LYPD1: variants seen among roughly 807,000 people sequenced by gnomAD.
LYPD1 encodes ly6/PLAUR domain-containing protein 1.
A neutral mutation model predicts 14.2 loss-of-function variants in LYPD1; 14 were observed. The observed-to-expected ratio is 0.99, with a 90% CI of 0.65 to 1.54. The LOEUF (loss-of-function observed/expected upper bound fraction) is 1.54, where lower values mean the gene tolerates loss of function less well. Ranked by LOEUF, LYPD1 falls within the 40% of genes most tolerant of loss-of-function variation. LYPD1 has a pLI of 0.00. For synonymous variants in LYPD1, 85 were observed against 70.6 expected, an observed-to-expected ratio of 1.20 and a Z score of -1.02; for missense variants, 165 against 175.7, an observed-to-expected ratio of 0.94 and a Z score of 0.34.
At chr2:132,656,733 C>T (rs1682616871) in intron 2 of LYPD1, among the ~76,000 whole-genome samples, 2 of 152,106 alleles carry the variant, frequency 1.3e-5, no homozygotes, top group Non-Finnish European at 2.9e-5. Context: ...TTTTGCTTTG[C>T]CATGAATGTG....
At chr2:132,666,144 G>T (rs1573757760) in intron 2 of LYPD1, among the ~76,000 whole-genome samples, 1 of 152,162 alleles carries the variant, frequency 6.6e-6, no homozygotes, top group East Asian at 1.9e-4. Flanking sequence ...TGCCTTGGGC[G>T]CTCAACAACA....
chr2:132,646,641 C>T (rs959837354), intron 2 of LYPD1: 7 of 184,946 alleles, frequency 3.8e-5, no homozygotes, highest in Admixed American at 6.2e-5. Flanking sequence ...CTGTCTCATG[C>T]CAGTGAGGCC....
intron 2 of LYPD1, among the ~76,000 whole-genome samples, chr2:132,647,629 C>A (rs763733827): frequency 2.0e-5 from 3 of 152,194 alleles, no homozygotes; most frequent in Non-Finnish European, 4.4e-5. Flanking sequence ...CTGCGCCCGG[C>A]CATATGTGGC....
At chr2:132,655,652 C>A (rs1209720543) in intron 2 of LYPD1, among the ~76,000 whole-genome samples, 1 of 151,142 alleles carries the variant, frequency 6.6e-6, no homozygotes, top group Non-Finnish European at 1.5e-5. Flanking sequence ...GTAGCTGGGA[C>A]TACAGGTGCC....
chr2:132,659,933 G>C (rs1682833388), intron 2 of LYPD1, among the ~76,000 whole-genome samples: 1 of 152,230 alleles, frequency 6.6e-6, no homozygotes, highest in Admixed American at 6.5e-5. Flanking sequence ...CCCTTGCCCA[G>C]CATCACTTAA....
intron 2 of LYPD1, among the ~76,000 whole-genome samples, chr2:132,661,131 T>G (rs1330282734): frequency 3.3e-5 from 5 of 152,086 alleles, no homozygotes; most frequent in Admixed American, 6.6e-5. Context: ...GACGGTGGCC[T>G]AAGAGTGAGG....
In LYPD1 at chr2:132,645,737, T is replaced by C. The variant is rs1355853234; in HGVS notation, c.*308A>G. On this transcript the variant is annotated 3_prime_UTR_variant, in exon 3 of 3. Coordinates refer to ENST00000397463, the MANE Select transcript of LYPD1 (RefSeq NM_144586.7). ...CACTGGAGGCTTTACAAAAGGCAGA[T>C]GCCCACCTCAGTGACTTCTAAGGAC... 7.8e-7 allele frequency: 1 copy of C among 1,279,684 alleles called. No individual in the cohort carries two copies. The highest frequency in any genetic ancestry group is 1.1e-6 in the Non-Finnish European group (1 of 942,708). The allele number at this position is 1,279,684 out of a possible 1,614,324, so 79.3% of individuals were successfully genotyped here.
Position 132,669,632 on chromosome 2 carries a change from G to A in LYPD1, c.52+249C>T, listed in dbSNP as rs1413197125. Among the ~76,000 whole-genome samples, 1 of 152,010 alleles carries A rather than the reference G, an allele frequency of 6.6e-6. No individual in the cohort carries two copies. The highest frequency in any genetic ancestry group is 2.4e-5 in the African/African-American group (1 of 41,390). On this transcript the variant is annotated intron_variant, in intron 1 of 2. Transcript: ENST00000397463. This position sits in a 1 kb window ranked among gnomAD's most constrained non-coding sequence, Gnocchi z 4.3. ...CCTCCTCTCAAGCCCAGCTTCTCCC[G>A]ACGGTGCAGCCGGACAAGCTGCAGC...
At chr2:132,653,200 C>A (rs1322198547) in intron 2 of LYPD1, among the ~76,000 whole-genome samples, 1 of 152,148 alleles carries the variant, frequency 6.6e-6, no homozygotes, top group Non-Finnish European at 1.5e-5. Flanking sequence ...ACCCTGGAGT[C>A]TAACAGACCT....
intron 2 of LYPD1, among the ~76,000 whole-genome samples, chr2:132,655,554 G>A (rs893509954): frequency 1.6e-4 from 21 of 129,256 alleles, no homozygotes; most frequent in East Asian, 8.7e-4. Context: ...TCGCTCTGTC[G>A]CCCAGGCTGG....
At chr2:132,664,122 A>G (rs1683129193) in intron 2 of LYPD1, among the ~76,000 whole-genome samples, 1 of 152,134 alleles carries the variant, frequency 6.6e-6, no homozygotes, top group Non-Finnish European at 1.5e-5. Flanking sequence ...TACAGGAATA[A>G]AGGGACTATG....
At chr2:132,646,830 G>C (rs866627113) in intron 2 of LYPD1, among the ~76,000 whole-genome samples, 1 of 152,208 alleles carries the variant, frequency 6.6e-6, no homozygotes, top group South Asian at 2.1e-4. Context: ...TAGTGAAGGG[G>C]CACCTGGCTG....
chr2:132,649,587 A>G (rs2104898713), intron 2 of LYPD1, among the ~76,000 whole-genome samples: 1 of 152,310 alleles, frequency 6.6e-6, no homozygotes, highest in African/African-American at 2.4e-5. Context: ...GGTAGCTTTA[A>G]GAAAATGGCC....
In LYPD1 at chr2:132,668,589, CG is replaced by C. The variant is rs1259742275; in HGVS notation, c.53-53del. 4 of 1,594,474 alleles carry C rather than the reference CG, an allele frequency of 2.5e-6. No homozygotes were observed. The African/African-American group carries it at 5.4e-5, about 21-fold the overall frequency. ...GATCCGGCCCCCACAGAGCCCACCC[CG>C]GAAATCACGACCATCCCACGCCTCA... On this transcript the variant is annotated intron_variant, in intron 1 of 2. Transcript: ENST00000397463.
chr2:132,645,089 G>T lies in LYPD1; in HGVS notation c.*956C>A. ...TTTTCTCTGTCTCTCCCTCCTGCTCGTGTCTGCCCAGGGCTGATTGTTGTG... is the reference window on the plus strand; with the variant it reads ...TTTTCTCTGTCTCTCCCTCCTGCTCTTGTCTGCCCAGGGCTGATTGTTGTG... On this transcript the variant is annotated 3_prime_UTR_variant, in exon 3 of 3. Coordinates refer to ENST00000397463, the MANE Select transcript of LYPD1 (RefSeq NM_144586.7). 1 of 1,600,296 alleles carries T rather than the reference G, an allele frequency of 6.2e-7. No individual in the cohort carries two copies. The highest frequency in any genetic ancestry group is 8.5e-7 in the Non-Finnish European group (1 of 1,171,798).
At chr2:132,648,308 T>G (rs3738844) in intron 2 of LYPD1, among the ~76,000 whole-genome samples, 128,869 of 152,076 alleles carry the variant, frequency 0.85, 55,208 homozygotes, top group African/African-American at 0.96. Flanking sequence ...CTGTATAAAA[T>G]TTCAGTCAGT....
Position 132,645,449 on chromosome 2 carries a change from C to G in LYPD1, c.*596G>C. The G allele has an allele frequency of 1.2e-6, 2 of 1,613,842 alleles. No individual in the cohort carries two copies. The highest frequency in any genetic ancestry group is 1.7e-6 in the Non-Finnish European group (2 of 1,180,030). ...TTCGCGTCCCGGCGCCAGTCCTCTGCAAGGAGAACTGAGAAGATTTTCTTA... is the reference window on the plus strand; with the variant it reads ...TTCGCGTCCCGGCGCCAGTCCTCTGGAAGGAGAACTGAGAAGATTTTCTTA... On this transcript the variant is annotated 3_prime_UTR_variant, in exon 3 of 3. Coordinates refer to ENST00000397463, the MANE Select transcript of LYPD1 (RefSeq NM_144586.7).
intron 2 of LYPD1, among the ~76,000 whole-genome samples, chr2:132,655,677 G>A (rs2104909167): frequency 6.6e-6 from 1 of 152,018 alleles, no homozygotes; most frequent in East Asian, 1.9e-4. Context: ...ACCATGCCTG[G>A]CTAATTTTTT....
chr2:132,667,353 T>C (rs1476742639), intron 2 of LYPD1, among the ~76,000 whole-genome samples: 1 of 152,078 alleles, frequency 6.6e-6, no homozygotes, highest in Non-Finnish European at 1.5e-5. Context: ...CAAATAACCA[T>C]GAGGATAGCA....
Sources: gnomAD v4.1 joint callset for allele counts (sites outside exome capture counted in the v4.1 genomes callset) on GRCh38, gnomAD v4.1.1 for gene constraint, Gnocchi (gnomAD v3.1) non-coding constraint, MANE v1.5 for transcripts, NCBI Gene and HGNC (gene_info 2026-07-23, HGNC 2026-07-21) for gene names.